Variants in KIAA1549L observed in about 807,000 individuals in gnomAD.
KIAA1549L encodes UPF0606 protein KIAA1549L.
In KIAA1549L, 88 loss-of-function variants were observed where a neutral mutation model predicts 160.7. The ratio of observed to expected loss-of-function variants is 0.55; its 90% CI spans 0.46 to 0.65. The LOEUF (loss-of-function observed/expected upper bound fraction) is 0.65, where lower values mean the gene tolerates loss of function less well. Ranked by LOEUF, KIAA1549L falls within the 30% of genes least tolerant of loss-of-function variation. The probability of loss-of-function intolerance (pLI) is 0.00; values close to 1 mark genes in which losing one functional copy is unlikely to be tolerated. For missense variants in KIAA1549L, 2,258 were observed against 2,437.5 expected (o/e 0.93, Z 1.55); for synonymous variants, 950 against 976.7 (o/e 0.97, Z 0.51).
At chr11:33,535,674 CT>C (rs1853878638) in intron 1 of KIAA1549L, among the ~76,000 whole-genome samples, 1 of 151,864 alleles carries the variant, frequency 6.6e-6, no homozygotes, top group Non-Finnish European at 1.5e-5. Context: ...CCTGTCCCCC[CT>C]CCAAAAAAGA....
chr11:33,671,204 C>G lies in KIAA1549L; in HGVS notation c.*3050C>G, dbSNP rs1030921681. The G allele has an allele frequency of 6.6e-6, 1 of 152,146 alleles. No homozygotes were observed. The highest frequency in any genetic ancestry group is 1.9e-4 in the East Asian group (1 of 5,204). 9.4% of individuals were successfully genotyped at this position (152,146 alleles called of 1,614,324 possible). On this transcript the variant is annotated 3_prime_UTR_variant, in exon 21 of 21. Transcript: ENST00000658780. ...TCCAGAAAGAGTACCATCAAGGAAA[C>G]GGAGACCTCAACTGCTGTTCTAGAC...
Position 33,537,340 on chromosome 11 carries a change from G to C in KIAA1549L, c.239-4462G>C, listed in dbSNP as rs7119758. Among the ~76,000 whole-genome samples, 1,078 of 152,188 alleles carry C rather than the reference G, an allele frequency of 7.1e-3. 17 individuals are homozygous for C. The highest frequency in any genetic ancestry group is 0.025 in the African/African-American group (1,041 of 41,488). On this transcript the variant is annotated intron_variant, in intron 1 of 20. Transcript: ENST00000658780. The stretch of plus-strand genomic sequence containing the variant: ...AATGCTGGTGTCCATATCTCCCATA[G>C]AACTGTGAGTTCCATGAAGCTGGAG...
intron 1 of KIAA1549L, among the ~76,000 whole-genome samples, chr11:33,501,705 T>TTAA (rs748164134): frequency 9.9e-5 from 15 of 151,726 alleles, no homozygotes; most frequent in South Asian, 4.2e-4. Flanking sequence ...GTGTAGATGG[T>TTAA]TAATAATAAT....
intron 3 of KIAA1549L, among the ~76,000 whole-genome samples, chr11:33,545,783 G>T (rs1854237250): frequency 6.6e-6 from 1 of 152,200 alleles, no homozygotes; most frequent in Non-Finnish European, 1.5e-5. Flanking sequence ...CTGCCAGTGG[G>T]TCTAAGAATG....
At chr11:33,431,500 T>C (rs945962756) in intron 1 of KIAA1549L, among the ~76,000 whole-genome samples, 7 of 152,184 alleles carry the variant, frequency 4.6e-5, no homozygotes, top group Non-Finnish European at 8.8e-5. Flanking sequence ...CCCACCAGAG[T>C]AGCTAGATAT....
intron 1 of KIAA1549L, among the ~76,000 whole-genome samples, chr11:33,503,112 CCA>C (rs1852990649): frequency 6.6e-6 from 1 of 152,292 alleles, no homozygotes; most frequent in Admixed American, 6.5e-5. Flanking sequence ...CCCCCTCATG[CCA>C]CCTTTTTCTG....
chr11:33,452,915 T>A (rs1002783448), intron 1 of KIAA1549L, among the ~76,000 whole-genome samples: 2 of 152,188 alleles, frequency 1.3e-5, no homozygotes, highest in Non-Finnish European at 2.9e-5. Flanking sequence ...AATCTCTTGA[T>A]GAAGTGAGAG....
intron 1 of KIAA1549L, among the ~76,000 whole-genome samples, chr11:33,528,573 C>T (rs916985054): frequency 1.3e-5 from 2 of 152,172 alleles, no homozygotes; most frequent in Non-Finnish European, 2.9e-5. Flanking sequence ...ATGGAACCAG[C>T]CTAAATGCCC....
At chr11:33,520,747 T>G (rs1235979706) in intron 1 of KIAA1549L, among the ~76,000 whole-genome samples, 1 of 120,692 alleles carries the variant, frequency 8.3e-6, no homozygotes, top group Non-Finnish European at 1.7e-5. Flanking sequence ...ACACTCCCTC[T>G]CTCTCCCCCT....
intron 1 of KIAA1549L, among the ~76,000 whole-genome samples, chr11:33,421,794 T>G (rs1054004407): frequency 3.3e-5 from 5 of 152,134 alleles, no homozygotes; most frequent in African/African-American, 1.2e-4. Context: ...AGTACCAGTG[T>G]GAACTCAGAG....
chr11:33,589,279 A>G (rs1280383415), intron 11 of KIAA1549L, among the ~76,000 whole-genome samples: 2 of 152,152 alleles, frequency 1.3e-5, no homozygotes, highest in African/African-American at 2.4e-5. Flanking sequence ...TGGAGAGGAT[A>G]TGGAGAAATA....
intron 1 of KIAA1549L, among the ~76,000 whole-genome samples, chr11:33,522,326 G>T (rs948467702): frequency 1.3e-5 from 2 of 152,134 alleles, no homozygotes; most frequent in African/African-American, 4.8e-5. Flanking sequence ...TTAGACTTCT[G>T]CAGTAAAACT....
chr11:33,630,236 T>C (rs899583398), intron 16 of KIAA1549L, among the ~76,000 whole-genome samples: 2 of 152,366 alleles, frequency 1.3e-5, no homozygotes, highest in East Asian at 3.9e-4. Context: ...TCTTTTTGTT[T>C]GTCTGTGCCC....
At chr11:33,547,718 G>A in intron 3 of KIAA1549L, 46 bp from the exon 4 acceptor site, 1 of 1,225,726 alleles carries the variant, frequency 8.2e-7, no homozygotes, top group Non-Finnish European at 1.2e-6. Flanking sequence ...TGAATGATGA[G>A]GTTTGTCGCC....
At chr11:33,648,116 T>G (rs1170352990) in intron 17 of KIAA1549L, among the ~76,000 whole-genome samples, 1 of 152,056 alleles carries the variant, frequency 6.6e-6, no homozygotes, top group Non-Finnish European at 1.5e-5. Flanking sequence ...TGCCTCAGCC[T>G]CCCGAGTAGC....
intron 9 of KIAA1549L, among the ~76,000 whole-genome samples, chr11:33,573,674 T>C (rs191280932): frequency 2.2e-4 from 33 of 152,304 alleles, no homozygotes; most frequent in African/African-American, 7.9e-4. Flanking sequence ...ATCTGTAATA[T>C]AAACTTTGGA....
At chr11:33,538,532 G>A (rs1368223505) in intron 1 of KIAA1549L, among the ~76,000 whole-genome samples, 2 of 152,094 alleles carry the variant, frequency 1.3e-5, no homozygotes, top group Non-Finnish European at 2.9e-5. Context: ...CCAGGTATGC[G>A]CTGAGTAGGG....
chr11:33,444,803 GA>G (rs1206072925), intron 1 of KIAA1549L, among the ~76,000 whole-genome samples: 2 of 152,226 alleles, frequency 1.3e-5, no homozygotes, highest in Non-Finnish European at 2.9e-5. Flanking sequence ...TGAGTTCAGG[GA>G]TGAAGACGGG....
At chr11:33,437,907 G>A (rs745668632) in intron 1 of KIAA1549L, among the ~76,000 whole-genome samples, 2 of 152,146 alleles carry the variant, frequency 1.3e-5, no homozygotes, top group African/African-American at 2.4e-5. Flanking sequence ...TAAGGGGACC[G>A]CTTTCCTGGT....
Sources: allele counts gnomAD v4.1 joint callset (sites outside exome capture counted in the v4.1 genomes callset), GRCh38; gene constraint gnomAD v4.1.1; transcripts MANE v1.5; gene names NCBI Gene and HGNC (gene_info 2026-07-23, HGNC 2026-07-21).